The following ATRX variants were observed in gnomAD, a reference collection of about 807,000 sequenced individuals.
ATRX encodes the protein chromatin remodeler ATRX.
In ATRX, 12 loss-of-function variants were observed where a neutral mutation model predicts 172.6. That is an observed-to-expected ratio of 0.07 (90% CI 0.04 to 0.11). ATRX has a LOEUF of 0.11. Among genes scored for constraint, ATRX ranks in the 10% least tolerant of loss-of-function variants. ATRX has a pLI of 1.00. For missense variants in ATRX, 1,368 were observed against 1,767.4 expected, an observed-to-expected ratio of 0.77 and a Z score of 4.05; for synonymous variants, 674 against 594.7, an observed-to-expected ratio of 1.13 and a Z score of -1.94.
chrX:77,772,293 C>A (rs1464414810), intron 1 of ATRX, among the ~76,000 whole-genome samples: 2 of 95,918 alleles, frequency 2.1e-5, no homozygotes, highest in Non-Finnish European at 4.1e-5. Context: ...CTGGGCAACA[C>A]AGCAAGAATC....
At chrX:77,677,661 C>T (rs2070957832) in intron 9 of ATRX, among the ~76,000 whole-genome samples, 1 of 73,765 alleles carries the variant, frequency 1.4e-5, no homozygotes, top group African/African-American at 4.1e-5. Context: ...TGAGACCTCC[C>T]TGTATTTTTT....
intron 28 of ATRX, among the ~76,000 whole-genome samples, chrX:77,569,060 G>A (rs1366882279): frequency 1.8e-5 from 2 of 110,753 alleles, no homozygotes; most frequent in Non-Finnish European, 3.8e-5. Flanking sequence ...GCTGCAGTGA[G>A]GTATGATCAC....
At chrX:77,514,053 G>A (rs2062971930) in intron 34 of ATRX, among the ~76,000 whole-genome samples, 2 of 111,273 alleles carry the variant, frequency 1.8e-5, no homozygotes, top group Admixed American at 1.9e-4. Flanking sequence ...GCTAACCAGG[G>A]AGGTAAAAGG....
intron 30 of ATRX, among the ~76,000 whole-genome samples, chrX:77,541,692 T>C (rs961353187): frequency 4.5e-5 from 5 of 112,057 alleles, no homozygotes; most frequent in Non-Finnish European, 9.4e-5. Context: ...TAATCTAGCA[T>C]ATAAACAGAA....
chrX:77,735,102 A>G (rs2074482383), intron 1 of ATRX, among the ~76,000 whole-genome samples: 1 of 110,801 alleles, frequency 9.0e-6, no homozygotes, highest in South Asian at 3.8e-4. Context: ...AAAAAAAAAT[A>G]AAATAAATAA....
intron 30 of ATRX, among the ~76,000 whole-genome samples, chrX:77,532,806 A>G (rs1557046876): frequency 8.9e-6 from 1 of 112,284 alleles, no homozygotes; most frequent in Non-Finnish European, 1.9e-5. Context: ...ATCTAATTAA[A>G]CTAAAAAGCT....
intron 22 of ATRX, among the ~76,000 whole-genome samples, chrX:77,600,972 C>T (rs1181262050): frequency 9.0e-6 from 1 of 111,170 alleles, no homozygotes; most frequent in Non-Finnish European, 1.9e-5. Context: ...TAGATTGTTG[C>T]CTCTATTCAT....
rs2071225639 is a variant in ATRX at position 77,681,921 on chromosome X, G to A, written c.3335C>T (p.Thr1112Ile). The A allele has an allele frequency of 8.3e-7, 1 of 1,208,022 alleles. No homozygotes were observed. Among genetic ancestry groups the A allele is most frequent in the African/African-American group, 1.8e-5 (1 of 56,839 alleles). Residue 1112 changes from threonine to isoleucine, a missense_variant, in exon 9 of 35, where the codon ACT becomes ATT. Coordinates refer to ENST00000373344, the MANE Select transcript of ATRX (RefSeq NM_000489.6). The part of the protein sequence containing the change: ...RKRQDCSSSD[T>I]EKYSMKEDGC... ...ATCTTCTTTCATGGAATATTTCTCA[G>A]TATCAGATGATGAACAATCTTGTCT... is the stretch of plus-strand genomic sequence containing the variant.
chrX:77,549,908 C>T lies in ATRX; in HGVS notation c.6699+7543G>A, dbSNP rs782641463. Among the ~76,000 whole-genome samples the T allele has an allele frequency of 6.3e-5, 7 of 111,072 alleles. No individual in the cohort carries two copies. The Admixed American group carries it at 6.7e-4, about 11-fold the overall frequency. ...GCCAAGGCAGGAGGATCACATGATG[C>T]CAGGAGTTCAGGACCAGCCTAGGCA... On this transcript the variant is annotated intron_variant, in intron 30 of 34. Transcript: ENST00000373344.
intron 1 of ATRX, among the ~76,000 whole-genome samples, chrX:77,741,134 G>A (rs944531840): frequency 3.6e-5 from 4 of 110,518 alleles, no homozygotes; most frequent in East Asian, 2.8e-4. Flanking sequence ...AATCACTTGA[G>A]TCTGGGAGAT....
chrX:77,509,590 C>T (rs1166865031), intron 34 of ATRX, among the ~76,000 whole-genome samples: 3 of 111,236 alleles, frequency 2.7e-5, no homozygotes, highest in Non-Finnish European at 3.8e-5. Flanking sequence ...TGGCAGCAGC[C>T]GTGTGGCAGG....
chrX:77,582,035 AG>A (rs1207069867), intron 27 of ATRX, among the ~76,000 whole-genome samples: 1 of 112,047 alleles, frequency 8.9e-6, no homozygotes, highest in Admixed American at 9.4e-5. Context: ...CAGTACTAAG[AG>A]GAAAGCTTAT....
chrX:77,629,896 A>C (rs2068034213), intron 19 of ATRX, among the ~76,000 whole-genome samples: 2 of 112,426 alleles, frequency 1.8e-5, no homozygotes, highest in African/African-American at 3.2e-5. Flanking sequence ...TTCATATTGG[A>C]AAGGAAAAAG....
intron 12 of ATRX, among the ~76,000 whole-genome samples, chrX:77,662,569 C>A (rs1198875013): frequency 8.9e-6 from 1 of 112,079 alleles, no homozygotes; most frequent in Non-Finnish European, 1.9e-5. Flanking sequence ...TCTAAAGTTT[C>A]TGGGTTATCT....
At chrX:77,755,400 A>T (rs2075452455) in intron 1 of ATRX, among the ~76,000 whole-genome samples, 2 of 112,088 alleles carry the variant, frequency 1.8e-5, no homozygotes, top group African/African-American at 6.5e-5. Flanking sequence ...TGTTCATTTG[A>T]AGGAGAAGAG....
At chrX:77,629,944 T>C (rs1368103498) in intron 19 of ATRX, among the ~76,000 whole-genome samples, 1 of 112,515 alleles carries the variant, frequency 8.9e-6, no homozygotes, top group Non-Finnish European at 1.9e-5. Context: ...ATTTTCTTAA[T>C]AGAAAACTAA....
intron 28 of ATRX, among the ~76,000 whole-genome samples, chrX:77,565,769 T>C (rs1028593877): frequency 2.2e-4 from 24 of 110,744 alleles, no homozygotes; most frequent in African/African-American, 7.9e-4. Flanking sequence ...GGCATGAGAA[T>C]TGCTTGAACC....
At chrX:77,671,539 T>C (rs2070618568) in intron 10 of ATRX, among the ~76,000 whole-genome samples, 1 of 109,909 alleles carries the variant, frequency 9.1e-6, no homozygotes, top group Non-Finnish European at 1.9e-5. Context: ...TAAACCAGTT[T>C]TAGAGGCATT....
Position 77,516,696 on chromosome X carries a change from T to TA in ATRX, c.7200+4091dup, listed in dbSNP as rs782058360. The stretch of plus-strand genomic sequence containing the variant: ...ACAGATCATCCAGACAGAAAATCAA[T>TA]AAAAAAAACCAACGGACTTATTCTG... On this transcript the variant is annotated intron_variant, in intron 34 of 34. Transcript: ENST00000373344. 3.6e-5 allele frequency among the ~76,000 whole-genome samples: 4 copies of TA among 111,032 alleles called. No homozygotes were observed. The East Asian group carries it at 8.5e-4, about 24-fold the overall frequency.
Sources: gnomAD v4.1 joint callset for allele counts (sites outside exome capture counted in the v4.1 genomes callset) on GRCh38, gnomAD v4.1.1 for gene constraint, MANE v1.5 for transcripts, NCBI Gene and HGNC (gene_info 2026-07-23, HGNC 2026-07-21) for gene names.